Variants in AFF3 observed in about 807,000 individuals in gnomAD.
AFF3 encodes ALF transcription elongation factor 3, also known as AF4/FMR2 family member 3.
AFF3 carries 32 observed loss-of-function variants against 129.7 expected under a neutral mutation model. The ratio of observed to expected loss-of-function variants is 0.25; its 90% CI spans 0.19 to 0.33. AFF3 has a LOEUF of 0.33. AFF3 is among the 10% of genes least tolerant of loss of function. The probability of loss-of-function intolerance (pLI) is 1.00; values close to 1 mark genes in which losing one functional copy is unlikely to be tolerated. For synonymous variants in AFF3, 644 were observed against 635.4 expected (o/e 1.01, Z -0.20); for missense variants, 1,373 against 1,592.0 (o/e 0.86, Z 2.34).
chr2:99,546,684 G>A lies in AFF3; in HGVS notation c.*4790C>T, dbSNP rs187969290. 5.0e-3 allele frequency: 1,160 copies of A among 229,906 alleles called. 4 individuals carry two copies. The highest frequency in any genetic ancestry group is 9.2e-3 in the Admixed American group (162 of 17,636). 14.2% of individuals were successfully genotyped at this position (229,906 alleles called of 1,614,324 possible). On this transcript the variant is annotated 3_prime_UTR_variant, in exon 25 of 25. Coordinates refer to ENST00000672756, the MANE Select transcript of AFF3 (RefSeq NM_001386135.1). ...AGGGGATGCTTCATGTCAAGCCACT[G>A]GTCTAATGCCTCCGTCTTCTTTAGT...
intron 7 of AFF3, among the ~76,000 whole-genome samples, chr2:99,852,744 C>T (rs1403973827): frequency 6.6e-6 from 1 of 152,188 alleles, no homozygotes; most frequent in Non-Finnish European, 1.5e-5. Context: ...AAAGGCTGGT[C>T]TGATCATTAC....
chr2:99,946,227 C>T (rs1229573330), intron 7 of AFF3, among the ~76,000 whole-genome samples: 8 of 151,614 alleles, frequency 5.3e-5, no homozygotes, highest in African/African-American at 1.9e-4. Flanking sequence ...AATCCCAGCA[C>T]TTTGGGAGGC....
At chr2:100,053,859 T>C (rs1264625533) in intron 4 of AFF3, among the ~76,000 whole-genome samples, 1 of 152,172 alleles carries the variant, frequency 6.6e-6, no homozygotes, top group Non-Finnish European at 1.5e-5. Context: ...GAAGAGTGTT[T>C]GTGTACAAAA....
intron 16 of AFF3, among the ~76,000 whole-genome samples, chr2:99,583,618 A>C (rs1412719547): frequency 6.6e-6 from 1 of 152,170 alleles, no homozygotes; most frequent in Admixed American, 6.5e-5. Flanking sequence ...TCCTGGATTC[A>C]AGGTGCCTCG....
At chr2:100,078,818 A>C (rs181811843) in intron 4 of AFF3, among the ~76,000 whole-genome samples, 1 of 152,272 alleles carries the variant, frequency 6.6e-6, no homozygotes, top group African/African-American at 2.4e-5. Context: ...GCTCCCATAT[A>C]CCTGAAAGCA....
At chr2:99,905,575 T>C (rs1694657899) in intron 7 of AFF3, among the ~76,000 whole-genome samples, 1 of 152,220 alleles carries the variant, frequency 6.6e-6, no homozygotes, top group African/African-American at 2.4e-5. Flanking sequence ...CTCTCCTGTG[T>C]TTATTCCTAG....
At chr2:99,596,273 T>A (rs573006143) in intron 14 of AFF3, among the ~76,000 whole-genome samples, 1 of 152,150 alleles carries the variant, frequency 6.6e-6, no homozygotes, top group East Asian at 1.9e-4. Context: ...ACATGCCCAG[T>A]GCATGTGGCG....
intron 18 of AFF3, 49 bp downstream of exon 18, chr2:99,578,278 C>T: frequency 6.5e-7 from 1 of 1,531,934 alleles, no homozygotes; most frequent in Non-Finnish European, 8.7e-7. Context: ...ACCTGAGCAG[C>T]TTCTGTTCTG....
At chr2:99,761,390 A>G (rs909571928) in intron 8 of AFF3, among the ~76,000 whole-genome samples, 1 of 151,884 alleles carries the variant, frequency 6.6e-6, no homozygotes, top group Non-Finnish European at 1.5e-5. Flanking sequence ...TTTCACGTCT[A>G]CTCTACAGCA....
At position 100,086,256 on chromosome 2, in the gene AFF3, C is replaced by T. The variant is rs10209018; in HGVS notation, c.53+18146G>A. On this transcript the variant is annotated intron_variant, in intron 4 of 24. Coordinates refer to ENST00000672756, the MANE Select transcript of AFF3 (RefSeq NM_001386135.1). ...TCCCATATCTGGCTGGGCGCCATGG[C>T]TCATGCCTGTAATCCCAGCACTTTG... is the stretch of plus-strand genomic sequence containing the variant. 3.3e-3 allele frequency among the ~76,000 whole-genome samples: 499 copies of T among 152,358 alleles called. 3 individuals are homozygous for T. The highest frequency in any genetic ancestry group is 0.011 in the African/African-American group (476 of 41,582).
At chr2:99,823,745 T>C (rs1408169101) in intron 8 of AFF3, among the ~76,000 whole-genome samples, 1 of 152,210 alleles carries the variant, frequency 6.6e-6, no homozygotes, top group East Asian at 1.9e-4. Flanking sequence ...ACGTGGCACG[T>C]GTACACCATG....
chr2:100,130,136 G>A (rs148853238), intron 1 of AFF3, among the ~76,000 whole-genome samples: 2 of 152,206 alleles, frequency 1.3e-5, no homozygotes, highest in Admixed American at 1.3e-4. Flanking sequence ...CGTGTGGCAC[G>A]TAAAGCAGAA....
At chr2:100,076,409 C>T (rs1010240848) in intron 4 of AFF3, among the ~76,000 whole-genome samples, 2 of 152,148 alleles carry the variant, frequency 1.3e-5, no homozygotes, top group African/African-American at 2.4e-5. Flanking sequence ...AAAAAAGCCT[C>T]GATACCTGAA....
chr2:100,134,762 G>T (rs144650246), intron 1 of AFF3, among the ~76,000 whole-genome samples: 1 of 152,056 alleles, frequency 6.6e-6, no homozygotes, highest in South Asian at 2.1e-4. Context: ...TTATCCAATC[G>T]TTCATTTATT....
Position 99,882,545 on chromosome 2 carries a change from C to T in AFF3, c.874-45021G>A, listed in dbSNP as rs551374499. On this transcript the variant is annotated intron_variant, in intron 7 of 24. Coordinates refer to ENST00000672756, the MANE Select transcript of AFF3 (RefSeq NM_001386135.1). ...ACTGCTGCATTTGGGAAGCACTCAT[C>T]CCTCACAGCAGTGCCCAATGCAGGC... is the stretch of plus-strand genomic sequence containing the variant. Among the ~76,000 whole-genome samples the T allele has an allele frequency of 1.8e-4, 27 of 152,286 alleles. No homozygotes were observed. In the South Asian group the frequency reaches 2.1e-3, roughly 12 times the overall value.
At chr2:99,690,822 A>G (rs1316141818) in intron 11 of AFF3, among the ~76,000 whole-genome samples, 2 of 150,886 alleles carry the variant, frequency 1.3e-5, no homozygotes, top group Non-Finnish European at 3.0e-5. Context: ...TATTTTGAAG[A>G]GTTTATACTC....
chr2:99,582,313 C>T (rs1559502531), intron 17 of AFF3, among the ~76,000 whole-genome samples: 1 of 152,110 alleles, frequency 6.6e-6, no homozygotes. Context: ...TCCCCTGGGG[C>T]GTGCTGGAAT....
intron 12 of AFF3, among the ~76,000 whole-genome samples, chr2:99,664,265 T>G (rs1016153308): frequency 6.6e-6 from 1 of 152,234 alleles, no homozygotes; most frequent in Admixed American, 6.5e-5. Context: ...AGTGTGAAAA[T>G]CATAGGTGCA....
chr2:99,606,257 T>C (rs1373325833), intron 13 of AFF3, among the ~76,000 whole-genome samples: 1 of 151,936 alleles, frequency 6.6e-6, no homozygotes, highest in Non-Finnish European at 1.5e-5. Context: ...AGCAAGGCCC[T>C]GTAAAAAAAA....
Sources: gnomAD v4.1 joint callset for allele counts (sites outside exome capture counted in the v4.1 genomes callset) on GRCh38, gnomAD v4.1.1 for gene constraint, MANE v1.5 for transcripts, NCBI Gene and HGNC (gene_info 2026-07-23, HGNC 2026-07-21) for gene names.